ZNF638: variants seen among roughly 807,000 people sequenced by gnomAD.
The protein encoded by ZNF638 is zinc finger protein 638.
Under a neutral mutation model 195.6 loss-of-function variants are expected in ZNF638, and 46 were observed. That is an observed-to-expected ratio of 0.24 (90% CI 0.19 to 0.30). The LOEUF (loss-of-function observed/expected upper bound fraction) is 0.30. Ranked by LOEUF, ZNF638 falls within the 10% of genes least tolerant of loss-of-function variation. ZNF638 has a pLI of 1.00. For missense variants in ZNF638, 2,440 were observed against 2,325.3 expected (o/e 1.05, Z -1.01); for synonymous variants, 845 against 772.0 (o/e 1.09, Z -1.57).
intron 1 of ZNF638, among the ~76,000 whole-genome samples, chr2:71,341,244 A>G (rs1011103129): frequency 1.3e-5 from 2 of 152,204 alleles, no homozygotes; most frequent in Non-Finnish European, 2.9e-5. Flanking sequence ...TTGACATTAT[A>G]TTGAATATTT....
chr2:71,396,418 A>G (rs1352089586), intron 11 of ZNF638, among the ~76,000 whole-genome samples: 9 of 152,240 alleles, frequency 5.9e-5, no homozygotes, highest in Non-Finnish European at 1.0e-4. Context: ...TATGATGAGT[A>G]TCACATATTT....
At position 71,423,327 on chromosome 2, in the gene ZNF638, T is replaced by C. The variant is rs377167502; in HGVS notation, c.3813T>C (p.Val1271=). 4.3e-6 allele frequency: 7 copies of C among 1,613,900 alleles called. No homozygotes were observed. The African/African-American group carries it at 5.3e-5, about 12-fold the overall frequency. ...AVAEVEKNET[V]SEILPSTCIV... Reference sequence around the variant, plus strand: ...CTGAAGTAGAAAAAAATGAAACTGTTTCGGAAATATTGCCATCAACTTGTA... The same window carrying C: ...CTGAAGTAGAAAAAAATGAAACTGTCTCGGAAATATTGCCATCAACTTGTA... Residue 1271 remains valine (V), a synonymous_variant, in exon 22 of 28, where the codon GTT becomes GTC. Transcript: ENST00000264447.
intron 10 of ZNF638, among the ~76,000 whole-genome samples, chr2:71,391,458 T>C (rs182811589): frequency 3.0e-3 from 451 of 152,264 alleles, no homozygotes; most frequent in Admixed American, 7.1e-3. Flanking sequence ...TGCTCCCCAG[T>C]AGAAAAAAAT....
At chr2:71,389,215 A>G (rs536997986) in intron 10 of ZNF638, among the ~76,000 whole-genome samples, 58 of 152,258 alleles carry the variant, frequency 3.8e-4, no homozygotes, top group African/African-American at 1.4e-3. Flanking sequence ...AATTGGAAAA[A>G]AGACAAGGGA....
At position 71,434,864 on chromosome 2, in the gene ZNF638, A is replaced by C; in HGVS notation, c.*57A>C. ...TGTTTAGGGTCCAGTTGATTTGTGTATTTTTGTTATCATTTAATTTGTAAT... is the reference window on the plus strand; with the variant it reads ...TGTTTAGGGTCCAGTTGATTTGTGTCTTTTTGTTATCATTTAATTTGTAAT... On this transcript the variant is annotated 3_prime_UTR_variant, in exon 28 of 28. Transcript: ENST00000264447. 1 of 1,425,588 alleles carries C rather than the reference A, an allele frequency of 7.0e-7. No individual in the cohort carries two copies. Among genetic ancestry groups the C allele is most frequent in the Admixed American group, 2.3e-5 (1 of 42,606 alleles). The allele number at this position is 1,425,588 out of a possible 1,614,324, so 88.3% of individuals were successfully genotyped here. A position where few individuals can be genotyped will look rare whatever the true frequency, so the allele number is the denominator to read the frequency against.
chr2:71,367,363 TC>T (rs1167857217), intron 6 of ZNF638, among the ~76,000 whole-genome samples: 1 of 150,062 alleles, frequency 6.7e-6, no homozygotes, highest in Non-Finnish European at 1.5e-5. Context: ...AGCTCAAGTA[TC>T]CTCCTGCCTC....
At chr2:71,433,827 C>T (rs1168647307) in intron 27 of ZNF638, among the ~76,000 whole-genome samples, 4 of 152,194 alleles carry the variant, frequency 2.6e-5, no homozygotes, top group Non-Finnish European at 4.4e-5. Context: ...ATTTACTGAG[C>T]TGTTCTATGC....
chr2:71,335,036 C>CT (rs1339715584), intron 1 of ZNF638, among the ~76,000 whole-genome samples: 2 of 152,056 alleles, frequency 1.3e-5, no homozygotes, highest in Non-Finnish European at 2.9e-5. Flanking sequence ...GGAGAAATAG[C>CT]TTTAACGTAC....
intron 1 of ZNF638, chr2:71,348,386 A>G (rs2078887511): frequency 1.0e-6 from 1 of 990,758 alleles, no homozygotes; most frequent in South Asian, 4.4e-5. Flanking sequence ...AAATGTGTGC[A>G]TTTATAAGTA....
At chr2:71,351,454 G>C (rs1317212025) in intron 2 of ZNF638, among the ~76,000 whole-genome samples, 1 of 152,160 alleles carries the variant, frequency 6.6e-6, no homozygotes, top group Admixed American at 6.5e-5. Flanking sequence ...GAAAGTCTTA[G>C]AATAATTCAT....
intron 10 of ZNF638, among the ~76,000 whole-genome samples, chr2:71,391,558 G>A (rs186629547): frequency 1.7e-4 from 26 of 152,258 alleles, no homozygotes; most frequent in African/African-American, 5.5e-4. Context: ...TGCCTCTGTC[G>A]TTAAGATGTT....
chr2:71,410,924 G>C (rs1339347326), intron 20 of ZNF638, among the ~76,000 whole-genome samples: 1 of 149,620 alleles, frequency 6.7e-6, no homozygotes, highest in African/African-American at 2.5e-5. Flanking sequence ...TTCTTGGTTT[G>C]GGACTCATTT....
chr2:71,424,653 T>C lies in ZNF638; in HGVS notation c.4528T>C (p.Leu1510=), dbSNP rs1250629372. 1.2e-6 allele frequency: 2 copies of C among 1,612,050 alleles called. No homozygotes were observed. The highest frequency in any genetic ancestry group is 3.3e-5 in the Admixed American group (2 of 59,810). The stretch of plus-strand genomic sequence containing the variant: ...TATTTCTTATTTACTATTTCAGACT[T>C]TGGCTGAGCAAAACACTAAGAATCC... ...MKRDDSNNKT[L]AEQNTKNPKS... Residue 1510 remains leucine, a synonymous_variant, in exon 23 of 28, where the codon TTG becomes CTG. Transcript: ENST00000264447.
intron 10 of ZNF638, chr2:71,395,607 G>A (rs1558866762): frequency 1.7e-6 from 1 of 571,756 alleles, no homozygotes; most frequent in Non-Finnish European, 3.3e-6. Flanking sequence ...GGCGGTGGGG[G>A]TGACAATTAC....
intron 17 of ZNF638, 102 bp from the exon 18 acceptor site, chr2:71,405,499 A>T (rs2080088826): frequency 1.4e-6 from 1 of 690,332 alleles, no homozygotes; most frequent in Non-Finnish European, 2.4e-6. Flanking sequence ...ATACTTTGTA[A>T]TGCATATTTG....
At chr2:71,410,730 T>C (rs1430845935) in intron 20 of ZNF638, among the ~76,000 whole-genome samples, 1 of 152,052 alleles carries the variant, frequency 6.6e-6, no homozygotes, top group Non-Finnish European at 1.5e-5. Context: ...CTTAAAGTGG[T>C]CAGTGATAGT....
intron 2 of ZNF638, among the ~76,000 whole-genome samples, chr2:71,352,391 C>T (rs929313104): frequency 1.8e-4 from 28 of 151,416 alleles, no homozygotes; most frequent in Non-Finnish European, 3.5e-4. Context: ...GGCAGAGAAT[C>T]GCTTGAACCC....
intron 6 of ZNF638, among the ~76,000 whole-genome samples, chr2:71,367,465 G>A (rs368835388): frequency 3.0e-5 from 4 of 133,218 alleles, no homozygotes; most frequent in African/African-American, 5.6e-5. Flanking sequence ...TCAGAGTCTC[G>A]CTCTGTCACC....
At chr2:71,396,095 A>G (rs375613980) in intron 10 of ZNF638, 46 bp from the exon 11 acceptor site, 29 of 1,548,438 alleles carry the variant, frequency 1.9e-5, no homozygotes, top group Admixed American at 1.2e-4. Flanking sequence ...AATCCAAGTG[A>G]TGTTATTTGT....
Sources: allele counts gnomAD v4.1 joint callset (sites outside exome capture counted in the v4.1 genomes callset), GRCh38; gene constraint gnomAD v4.1.1; transcripts MANE v1.5; gene names NCBI Gene and HGNC (gene_info 2026-07-23, HGNC 2026-07-21).